The following CNTLN variants were observed in gnomAD, a reference collection of about 807,000 sequenced individuals.
CNTLN encodes centlein.
Under a neutral mutation model 180.0 loss-of-function variants are expected in CNTLN, and 212 were observed. The observed-to-expected ratio is 1.18, with a 90% confidence interval of 1.05 to 1.32. The LOEUF (loss-of-function observed/expected upper bound fraction) is 1.32, where lower values mean the gene tolerates loss of function less well. Ranked by LOEUF, CNTLN falls within the 40% of genes most tolerant of loss-of-function variation. The probability of loss-of-function intolerance (pLI) is 0.00; values close to 1 mark genes in which losing one functional copy is unlikely to be tolerated. For missense variants in CNTLN, 2,095 were observed against 1,610.9 expected, an observed-to-expected ratio of 1.30 and a Z score of -5.14; for synonymous variants, 722 against 563.1, an observed-to-expected ratio of 1.28 and a Z score of -3.99.
At chr9:17,296,859 C>A (rs1817981107) in intron 6 of CNTLN, among the ~76,000 whole-genome samples, 1 of 152,204 alleles carries the variant, frequency 6.6e-6, no homozygotes, top group Admixed American at 6.5e-5. Flanking sequence ...TTCTAAATCT[C>A]TAAGGAGCGG....
rs183601896 is a variant in CNTLN at position 17,444,405 on chromosome 9, G to C, written c.3115-13119G>C. 3.1e-3 allele frequency among the ~76,000 whole-genome samples: 474 copies of C among 152,274 alleles called. 15 individuals are homozygous for C. The highest frequency in any genetic ancestry group is 0.029 in the Admixed American group (439 of 15,284). ...TTAATTGTCACCTACATGAGTAATT[G>C]ACAGGAATTTCAGAGTCATGAGGGT... On this transcript the variant is annotated intron_variant, in intron 18 of 25. Transcript: ENST00000380647.
intron 16 of CNTLN, among the ~76,000 whole-genome samples, chr9:17,410,355 C>G (rs1423686004): frequency 6.6e-6 from 1 of 151,978 alleles, no homozygotes; most frequent in Non-Finnish European, 1.5e-5. Flanking sequence ...AGTAAATTGC[C>G]TCTTCAAGTC....
intron 7 of CNTLN, chr9:17,300,852 A>T: frequency 2.7e-6 from 1 of 363,844 alleles, no homozygotes; most frequent in Non-Finnish European, 3.8e-6. Flanking sequence ...ACAGGTATTT[A>T]ACCTTTCAAG....
At chr9:17,466,397 G>A (rs2584543) in intron 22 of CNTLN, among the ~76,000 whole-genome samples, 7,041 of 151,456 alleles carry the variant, frequency 0.046, 192 homozygotes, top group Middle Eastern at 0.11. Context: ...TCTAAATTTT[G>A]TAGGCCCACT....
At chr9:17,439,354 A>G (rs958746786) in intron 18 of CNTLN, among the ~76,000 whole-genome samples, 3 of 152,248 alleles carry the variant, frequency 2.0e-5, no homozygotes, top group African/African-American at 7.2e-5. Context: ...GATTTGTATC[A>G]TATAAATAGT....
chr9:17,164,510 G>A (rs1283052626), intron 2 of CNTLN, among the ~76,000 whole-genome samples: 1 of 133,946 alleles, frequency 7.5e-6, no homozygotes, highest in Non-Finnish European at 1.5e-5. Context: ...TGTTGCCCAG[G>A]CTGGAGTGGA....
chr9:17,470,324 G>C (rs574569414), intron 23 of CNTLN, among the ~76,000 whole-genome samples: 1 of 151,894 alleles, frequency 6.6e-6, no homozygotes, highest in Non-Finnish European at 1.5e-5. Flanking sequence ...AATGCACATG[G>C]TACCTACATG....
At chr9:17,470,510 A>G (rs1345606570) in intron 23 of CNTLN, among the ~76,000 whole-genome samples, 1 of 151,890 alleles carries the variant, frequency 6.6e-6, no homozygotes, top group African/African-American at 2.4e-5. Flanking sequence ...CAACCAGATT[A>G]TGGTAGAGGT....
chr9:17,264,894 T>C (rs1827290448), intron 5 of CNTLN, among the ~76,000 whole-genome samples: 1 of 150,864 alleles, frequency 6.6e-6, no homozygotes, highest in African/African-American at 2.5e-5. Flanking sequence ...TGATTTTGTA[T>C]CCTGAGACTT....
chr9:17,449,278 C>T (rs1230556762), intron 18 of CNTLN, among the ~76,000 whole-genome samples: 2 of 150,660 alleles, frequency 1.3e-5, no homozygotes, highest in Non-Finnish European at 3.0e-5. Context: ...CCTCCCCCCA[C>T]CCCACAACAG....
At chr9:17,300,366 G>C (rs569771049) in intron 7 of CNTLN, 2 of 152,166 alleles carry the variant, frequency 1.3e-5, no homozygotes, top group East Asian at 1.9e-4. Context: ...GATCTCTTCT[G>C]TATACTCTAG....
chr9:17,498,603 T>C (rs1464965069), intron 25 of CNTLN, among the ~76,000 whole-genome samples: 1 of 152,184 alleles, frequency 6.6e-6, no homozygotes, highest in Non-Finnish European at 1.5e-5. Flanking sequence ...GCCAAGAAAT[T>C]TCACTCAGTA....
intron 7 of CNTLN, chr9:17,300,890 CT>C: frequency 6.4e-6 from 5 of 776,978 alleles, no homozygotes; most frequent in Non-Finnish European, 7.8e-6. Context: ...TGCCTGAAAG[CT>C]TTCCTGCCCA....
intron 2 of CNTLN, among the ~76,000 whole-genome samples, chr9:17,147,283 T>C (rs1045329824): frequency 1.3e-5 from 2 of 152,244 alleles, no homozygotes; most frequent in Non-Finnish European, 1.5e-5. Flanking sequence ...AGTAGGGATC[T>C]TTTCTGGACA....
chr9:17,249,802 G>A (rs1212826346), intron 5 of CNTLN, among the ~76,000 whole-genome samples: 1 of 150,556 alleles, frequency 6.6e-6, no homozygotes, highest in Non-Finnish European at 1.5e-5. Context: ...TTAACTTATG[G>A]TGTGTCCTGG....
chr9:17,434,445 T>C (rs889285266), intron 18 of CNTLN, among the ~76,000 whole-genome samples: 2 of 152,118 alleles, frequency 1.3e-5, no homozygotes, highest in African/African-American at 2.4e-5. Flanking sequence ...ACGTTCTTGC[T>C]TTTTAAATTT....
In CNTLN at chr9:17,143,386, CAA is replaced by C; in HGVS notation, c.449+12_449+13del. 6.2e-7 allele frequency: 1 copy of C among 1,605,722 alleles called. No homozygotes were observed. Among genetic ancestry groups the C allele is most frequent in the African/African-American group, 1.3e-5 (1 of 74,796 alleles). On this transcript the variant is annotated intron_variant, in intron 2 of 25. Transcript: ENST00000380647. ...GTTTGGTTGTGGAAAGGTGAGCTCT[CAA>C]ATTATTTTTTCATGAGTATTTGGTG...
At chr9:17,481,458 G>A (rs901615804) in intron 23 of CNTLN, among the ~76,000 whole-genome samples, 1 of 152,118 alleles carries the variant, frequency 6.6e-6, no homozygotes, top group African/African-American at 2.4e-5. Flanking sequence ...GCCTGACCTG[G>A]GAGTCCTGTA....
chr9:17,443,782 G>C (rs1830244081), intron 18 of CNTLN, among the ~76,000 whole-genome samples: 1 of 152,128 alleles, frequency 6.6e-6, no homozygotes. Context: ...ACAAATCTTT[G>C]CAGCAAGATC....
Sources: gnomAD v4.1 joint callset for allele counts (sites outside exome capture counted in the v4.1 genomes callset) on GRCh38, gnomAD v4.1.1 for gene constraint, MANE v1.5 for transcripts, NCBI Gene and HGNC (gene_info 2026-07-23, HGNC 2026-07-21) for gene names.